NCOR2: variants seen among roughly 807,000 people sequenced by gnomAD.
NCOR2 encodes CTG repeat protein 26.
Under a neutral mutation model 262.9 loss-of-function variants are expected in NCOR2, and 81 were observed. The observed-to-expected ratio is 0.31, with a 90% CI of 0.26 to 0.37. The LOEUF (loss-of-function observed/expected upper bound fraction) is 0.37, where lower values mean the gene tolerates loss of function less well. Among genes scored for constraint, NCOR2 ranks in the 10% least tolerant of loss-of-function variants. NCOR2 has a pLI of 1.00. For synonymous variants in NCOR2, 1,659 were observed against 1,559.3 expected, an observed-to-expected ratio of 1.06 and a Z score of -1.51; for missense variants, 3,385 against 3,621.4, an observed-to-expected ratio of 0.93 and a Z score of 1.68.
intron 1 of NCOR2, among the ~76,000 whole-genome samples, chr12:124,556,843 T>G (rs2051898410): frequency 7.1e-6 from 1 of 141,774 alleles, no homozygotes; most frequent in Admixed American, 6.8e-5. Flanking sequence ...AGCAAGACTC[T>G]TTGTCTCAAA....
upstream of NCOR2, among the ~76,000 whole-genome samples, chr12:124,498,362 G>A (rs1408112678): frequency 6.6e-6 from 1 of 152,148 alleles, no homozygotes; most frequent in Non-Finnish European, 1.5e-5. Context: ...CACTGCCTGG[G>A]ATTTACACAG....
intron 43 of NCOR2, 105 bp downstream of exon 45, chr12:124,332,214 G>A (rs574962679): frequency 7.7e-6 from 11 of 1,430,928 alleles, no homozygotes; most frequent in African/African-American, 1.4e-5. Flanking sequence ...CTTAGCTTTC[G>A]AAGGTGCACC....
chr12:124,491,084 A>C (rs948702897), intron 1 of NCOR2, among the ~76,000 whole-genome samples: 1 of 152,208 alleles, frequency 6.6e-6, no homozygotes, highest in Non-Finnish European at 1.5e-5. Flanking sequence ...CCACTCCCTT[A>C]CACCCTGGCT....
chr12:124,355,241 C>T (rs1023499293), intron 24 of NCOR2, 191 bp downstream of exon 26: 4 of 680,414 alleles, frequency 5.9e-6, no homozygotes, highest in African/African-American at 3.6e-5. Context: ...GACTGCAATA[C>T]AGAGTGACCC....
chr12:124,352,594 C>G (rs1027551322), intron 27 of NCOR2, among the ~76,000 whole-genome samples: 3 of 152,260 alleles, frequency 2.0e-5, no homozygotes, highest in African/African-American at 7.2e-5. Flanking sequence ...GTCTCAAACT[C>G]CTGGGCTCAA....
intron 3 of NCOR2, among the ~76,000 whole-genome samples, chr12:124,479,022 C>T (rs2136750336): frequency 6.6e-6 from 1 of 152,294 alleles, no homozygotes; most frequent in African/African-American, 2.4e-5. Flanking sequence ...CTAGAACCCA[C>T]AGAGCAACGG....
intron 16 of NCOR2, among the ~76,000 whole-genome samples, chr12:124,395,319 G>A (rs910232158): frequency 1.3e-5 from 2 of 151,860 alleles, no homozygotes; most frequent in African/African-American, 2.4e-5. Flanking sequence ...GCCAGCACCT[G>A]TCTCCCCGCC....
rs138578788 is a variant in NCOR2 at position 124,390,661 on chromosome 12, C to T, written c.1877-4774G>A. 2.1e-3 allele frequency among the ~76,000 whole-genome samples: 314 copies of T among 152,322 alleles called. 4 individuals are homozygous for T. The highest frequency in any genetic ancestry group is 6.6e-3 in the African/African-American group (275 of 41,570). ...GCTTGCAAAGGAAGAGGGGGCTGTG[C>T]GTTTAGCTCTGCAGGGGGCCCCGAA... On this transcript the variant is annotated intron_variant, in intron 16 of 46. Coordinates refer to ENST00000405201, the Ensembl canonical transcript of NCOR2.
At chr12:124,340,815 C>A in intron 34 of NCOR2, 64 bp from the exon 37 acceptor site, 1 of 1,412,268 alleles carries the variant, frequency 7.1e-7, no homozygotes, top group Non-Finnish European at 9.2e-7. Context: ...TGCCCACCGG[C>A]CAGATCACCC....
chr12:124,536,110 T>C (rs375158332), upstream of NCOR2, among the ~76,000 whole-genome samples: 1 of 152,312 alleles, frequency 6.6e-6, no homozygotes, highest in South Asian at 2.1e-4. Flanking sequence ...GTTTTTGTTT[T>C]GGATATAGTC....
intron 40 of NCOR2, 103 bp downstream of exon 42, chr12:124,335,032 C>T (rs1183957159): frequency 1.3e-6 from 2 of 1,568,306 alleles, no homozygotes; most frequent in East Asian, 4.5e-5. Flanking sequence ...ATCCCCCAGC[C>T]ACCCCGCCAG....
At chr12:124,455,547 C>A (rs1406881883) in intron 6 of NCOR2, among the ~76,000 whole-genome samples, 2 of 152,214 alleles carry the variant, frequency 1.3e-5, no homozygotes, top group African/African-American at 4.8e-5. Context: ...GCTTGTAGTT[C>A]CTGAGTGGCC....
chr12:124,506,091 A>C (rs1593878822), intron 1 of NCOR2, among the ~76,000 whole-genome samples: 2 of 142,632 alleles, frequency 1.4e-5, no homozygotes, highest in African/African-American at 2.6e-5. Flanking sequence ...GCACCCCTTC[A>C]CCCCAGGCAA....
chr12:124,419,947 T>C lies in NCOR2; in HGVS notation c.1482+10A>G, dbSNP rs1194796846. 6.2e-7 allele frequency: 1 copy of C among 1,612,754 alleles called. No individual in the cohort carries two copies. The highest frequency in any genetic ancestry group is 1.7e-5 in the Admixed American group (1 of 60,022). The stretch of plus-strand genomic sequence containing the variant: ...CCTGCAAGGACAGTCACCCCCACCT[T>C]GCCTCTTACCTGGCTCTTGCCGCGG... On this transcript the variant is annotated intron_variant, in intron 13 of 46. Coordinates refer to ENST00000405201, the Ensembl canonical transcript of NCOR2.
At chr12:124,500,908 G>A (rs1241276025) in intron 1 of NCOR2, among the ~76,000 whole-genome samples, 3 of 152,300 alleles carry the variant, frequency 2.0e-5, no homozygotes, top group East Asian at 3.9e-4. Flanking sequence ...GAGGATGAAA[G>A]GCACGCGGGG....
chr12:124,389,133 G>A lies in NCOR2; in HGVS notation c.1877-3246C>T, dbSNP rs539842753. Among the ~76,000 whole-genome samples the A allele has an allele frequency of 3.9e-5, 6 of 152,238 alleles. No homozygotes were observed. The highest frequency in any genetic ancestry group is 7.2e-5 in the African/African-American group (3 of 41,464). ...CCCCTGGGCCAGGTATCACCGGGGC[G>A]CAGCGTGCCGAGCTCCTCCAGCACC... On this transcript the variant is annotated intron_variant, in intron 16 of 46. Coordinates refer to ENST00000405201, the Ensembl canonical transcript of NCOR2. The surrounding 1 kb of genome is among the most constrained non-coding windows in gnomAD (Gnocchi z 4.4).
chr12:124,439,315 CCAGAGA>C (rs2044661208), intron 7 of NCOR2, among the ~76,000 whole-genome samples: 1 of 108,184 alleles, frequency 9.2e-6, no homozygotes, highest in Non-Finnish European at 1.7e-5. Flanking sequence ...AGACAGAGAC[CCAGAGA>C]CAGAGGGAGA....
At chr12:124,344,721 C>A (rs1161001491) in exon 32 of NCOR2, 2 of 1,541,440 alleles carry the variant, frequency 1.3e-6, no homozygotes, top group Non-Finnish European at 1.8e-6. Flanking sequence ...CCAGCTCAGG[C>A]ACAATGACCG....
chr12:124,344,611 G>A lies in NCOR2; in HGVS notation c.4700C>T (p.Pro1567Leu), dbSNP rs1488656817. The change falls in exon 32 of 47, where the codon CCG (proline) becomes CTG (leucine). Residue 1567 changes from proline (P) to leucine (L), a missense_variant. Transcript: ENST00000405201. Reference sequence around the variant, plus strand: ...ACCCCACTCACCCTCCTGCAGGCGCGGCGTGGGCTCCCGCGTGGTCACGGG... The same window carrying A: ...ACCCCACTCACCCTCCTGCAGGCGCAGCGTGGGCTCCCGCGTGGTCACGGG... The A allele has an allele frequency of 1.5e-4, 215 of 1,453,304 alleles. No individual in the cohort carries two copies. The highest frequency in any genetic ancestry group is 1.8e-4 in the Non-Finnish European group (199 of 1,097,244). 90.0% of individuals were successfully genotyped at this position (1,453,304 alleles called of 1,614,324 possible). A position where few individuals can be genotyped will look rare whatever the true frequency, so the allele number is the denominator to read the frequency against.
Sources: gnomAD v4.1 joint callset for allele counts (sites outside exome capture counted in the v4.1 genomes callset) on GRCh38, gnomAD v4.1.1 for gene constraint, Gnocchi (gnomAD v3.1) non-coding constraint, MANE v1.5 for transcripts, NCBI Gene and HGNC (gene_info 2026-07-23, HGNC 2026-07-21) for gene names.